Variants in TRPM3 observed in about 807,000 individuals in gnomAD.
The protein encoded by TRPM3 is long transient receptor potential channel 3.
TRPM3 carries 77 observed loss-of-function variants against 181.2 expected under a neutral mutation model. That is an observed-to-expected ratio of 0.42 (90% CI 0.35 to 0.51). The LOEUF (loss-of-function observed/expected upper bound fraction) is 0.51, where lower values mean the gene tolerates loss of function less well. TRPM3 is among the 20% of genes least tolerant of loss of function. TRPM3 has a pLI of 0.01. For missense variants in TRPM3, 1,759 were observed against 2,196.7 expected (o/e 0.80, Z 3.98); for synonymous variants, 745 against 796.4 (o/e 0.94, Z 1.09).
intron 1 of TRPM3, among the ~76,000 whole-genome samples, chr9:71,226,841 TCAA>T (rs2080697465): frequency 6.6e-6 from 1 of 151,764 alleles, no homozygotes; most frequent in Admixed American, 6.6e-5. Flanking sequence ...AGATGGAAGA[TCAA>T]CAACAACAAC....
intron 1 of TRPM3, among the ~76,000 whole-genome samples, chr9:70,874,756 G>T (rs1041619771): frequency 3.3e-5 from 5 of 151,730 alleles, no homozygotes; most frequent in African/African-American, 1.2e-4. Context: ...TTTGGCCCTG[G>T]AAGGATGAAG....
intron 1 of TRPM3, chr9:70,917,295 G>C (rs2096607050): frequency 5.1e-6 from 7 of 1,374,398 alleles, no homozygotes; most frequent in Admixed American, 3.4e-5. Context: ...AAGCGAAAGT[G>C]GTATATTATT....
intron 1 of TRPM3, among the ~76,000 whole-genome samples, chr9:71,053,755 A>G (rs1484113233): frequency 3.9e-5 from 6 of 152,084 alleles, no homozygotes; most frequent in Non-Finnish European, 8.8e-5. Context: ...GCACATTTCC[A>G]AAAGGTATGA....
intron 9 of TRPM3, among the ~76,000 whole-genome samples, chr9:70,642,233 T>C (rs185504782): frequency 3.9e-5 from 6 of 152,292 alleles, no homozygotes; most frequent in East Asian, 3.9e-4. Context: ...GTCTCCTGTC[T>C]CATTGAAACA....
At chr9:71,396,953 A>G (rs1358518961) in intron 1 of TRPM3, among the ~76,000 whole-genome samples, 1 of 150,872 alleles carries the variant, frequency 6.6e-6, no homozygotes, top group Non-Finnish European at 1.5e-5. Context: ...GCAACGGAGC[A>G]AGACTTCATC....
chr9:71,132,013 G>A (rs1214037531), intron 1 of TRPM3, among the ~76,000 whole-genome samples: 1 of 152,070 alleles, frequency 6.6e-6, no homozygotes, highest in Non-Finnish European at 1.5e-5. Flanking sequence ...TTACGTAAAG[G>A]CATATCTCAT....
At chr9:71,372,327 T>C (rs141989376) in intron 1 of TRPM3, among the ~76,000 whole-genome samples, 17 of 152,344 alleles carry the variant, frequency 1.1e-4, no homozygotes, top group African/African-American at 4.1e-4. Context: ...CAATTATTTA[T>C]ATTCCTTTGG....
chr9:71,047,993 A>T (rs980856883), intron 1 of TRPM3, among the ~76,000 whole-genome samples: 2 of 152,212 alleles, frequency 1.3e-5, no homozygotes, highest in Non-Finnish European at 2.9e-5. Context: ...CAATAAACGA[A>T]TGAATGTAGG....
chr9:71,257,251 G>T (rs1261572423), intron 1 of TRPM3, among the ~76,000 whole-genome samples: 3 of 152,126 alleles, frequency 2.0e-5, no homozygotes, highest in African/African-American at 4.8e-5. Flanking sequence ...TGGAAGGGAT[G>T]GGCTCTTAGA....
intron 1 of TRPM3, among the ~76,000 whole-genome samples, chr9:70,983,593 A>C (rs7868025): frequency 0.032 from 4,899 of 152,286 alleles, 275 homozygotes; most frequent in African/African-American, 0.11. Context: ...TGTCTGGCAG[A>C]GACTTGTGGG....
chr9:70,664,608 T>C (rs2061555718), intron 9 of TRPM3, among the ~76,000 whole-genome samples: 1 of 150,050 alleles, frequency 6.7e-6, no homozygotes, highest in Non-Finnish European at 1.5e-5. Flanking sequence ...GGATTCTCCA[T>C]GAGAGCCACA....
At chr9:70,598,692 A>C in intron 20 of TRPM3, 22 bp from the exon 21 acceptor site, 1 of 1,607,734 alleles carries the variant, frequency 6.2e-7, no homozygotes, top group Non-Finnish European at 8.5e-7. Flanking sequence ...GAAGGAGAGC[A>C]GAGTTAGGTC....
chr9:71,167,471 C>T (rs949251856), intron 1 of TRPM3, among the ~76,000 whole-genome samples: 2 of 152,202 alleles, frequency 1.3e-5, no homozygotes, highest in Non-Finnish European at 2.9e-5. Flanking sequence ...CAACATATCA[C>T]ACCCTTCTGC....
chr9:70,802,252 TC>T (rs2089323311), intron 6 of TRPM3, among the ~76,000 whole-genome samples: 1 of 152,236 alleles, frequency 6.6e-6, no homozygotes, highest in Admixed American at 6.5e-5. Context: ...CAATATTTTT[TC>T]CAGAAGTCTA....
At chr9:70,540,589 A>G (rs75912257) in intron 25 of TRPM3, among the ~76,000 whole-genome samples, 2 of 152,302 alleles carry the variant, frequency 1.3e-5, no homozygotes, top group East Asian at 3.9e-4. Context: ...AGCCCCAGCT[A>G]CTCAAGAGGC....
chr9:70,552,902 G>A lies in TRPM3; in HGVS notation c.3516C>T (p.His1172=). 6.2e-7 allele frequency: 1 copy of A among 1,614,220 alleles called. No homozygotes were observed. Among genetic ancestry groups the A allele is most frequent in the Non-Finnish European group, 8.5e-7 (1 of 1,180,038 alleles). ...CGTGTTTCCTCCATCGGCAGCACAG[G>A]TGCTGGAATATCATGGTCATGTGGC... The part of the protein sequence containing the change: ...IFSHMTMIFQ[H]LCCRWRKHES... Residue 1172 remains histidine (H), a synonymous_variant, in exon 24 of 26, where the codon CAC becomes CAT. Transcript: ENST00000677713.
rs796635133 is a variant in TRPM3 at position 71,305,046 on chromosome 9, A to G, written c.183+141607T>C. Among the ~76,000 whole-genome samples, 45 of 152,290 alleles carry G rather than the reference A, an allele frequency of 3.0e-4. 1 individual carries two copies. Among genetic ancestry groups the G allele is most frequent in the African/African-American group, 1.0e-3 (42 of 41,574 alleles). ...CCTGTGAGACAGAGATTACACTCCCATTATACAGATAAGAAACTGAGACTG... is the reference window on the plus strand; with the variant it reads ...CCTGTGAGACAGAGATTACACTCCCGTTATACAGATAAGAAACTGAGACTG... On this transcript the variant is annotated intron_variant, in intron 1 of 24. Coordinates refer to the TRPM3 transcript ENST00000357533.
At chr9:71,286,826 C>T (rs1349852190) in intron 1 of TRPM3, among the ~76,000 whole-genome samples, 1 of 151,138 alleles carries the variant, frequency 6.6e-6, no homozygotes, top group African/African-American at 2.4e-5. Context: ...CAACCCCTTC[C>T]GCCTGCCTGG....
intron 1 of TRPM3, among the ~76,000 whole-genome samples, chr9:71,134,004 TGTGTGTGTGTGCGC>T (rs1433174688): frequency 3.9e-4 from 30 of 77,824 alleles, no homozygotes; most frequent in South Asian, 9.7e-4. Flanking sequence ...TGTGTGTGTG[TGTGTGTGTGTGCGC>T]GTGCGCGCGC....
Sources: gnomAD v4.1 joint callset for allele counts (sites outside exome capture counted in the v4.1 genomes callset) on GRCh38, gnomAD v4.1.1 for gene constraint, MANE v1.5 for transcripts, NCBI Gene and HGNC (gene_info 2026-07-23, HGNC 2026-07-21) for gene names.